Variants in TENM2 observed in about 807,000 individuals in gnomAD.
The protein encoded by TENM2 is teneurin transmembrane protein 2, also known as teneurin-2.
In TENM2, 52 loss-of-function variants were observed where a neutral mutation model predicts 245.2. That is an observed-to-expected ratio of 0.21 (90% CI 0.17 to 0.27). The LOEUF (loss-of-function observed/expected upper bound fraction) is 0.27. Among genes scored for constraint, TENM2 ranks in the 10% least tolerant of loss-of-function variants. The pLI is 1.00. For missense variants in TENM2, 3,046 were observed against 3,666.8 expected, an observed-to-expected ratio of 0.83 and a Z score of 4.37; for synonymous variants, 1,363 against 1,438.9, an observed-to-expected ratio of 0.95 and a Z score of 1.19.
At position 167,620,213 on chromosome 5, in the gene TENM2, C is replaced by T. The variant is rs151122889; in HGVS notation, c.502+244740C>T. Among the ~76,000 whole-genome samples, 599 of 152,212 alleles carry T rather than the reference C, an allele frequency of 3.9e-3. 3 individuals carry two copies. Among genetic ancestry groups the T allele is most frequent in the Non-Finnish European group, 7.2e-3 (491 of 68,002 alleles). ...ATGGTACATGCAATTAGGAAAATGTCTCCCTAATAATGGTAATCGGTGTAA... is the reference window on the plus strand; with the variant it reads ...ATGGTACATGCAATTAGGAAAATGTTTCCCTAATAATGGTAATCGGTGTAA... On this transcript the variant is annotated intron_variant, in intron 2 of 28. Transcript: ENST00000518659.
chr5:167,869,725 T>A (rs1005969781), intron 2 of TENM2, among the ~76,000 whole-genome samples: 16 of 152,120 alleles, frequency 1.1e-4, no homozygotes, highest in African/African-American at 3.9e-4. Context: ...GAAGAATATC[T>A]TGTCACACAG....
chr5:167,492,439 G>A (rs943179142), intron 2 of TENM2, among the ~76,000 whole-genome samples: 1 of 152,110 alleles, frequency 6.6e-6, no homozygotes, highest in Non-Finnish European at 1.5e-5. Context: ...GATGGGCTGA[G>A]TACAGACTTT....
chr5:167,080,535 A>C, the TENM2 span, among the ~76,000 whole-genome samples: 1 of 151,980 alleles, frequency 6.6e-6, no homozygotes, highest in Non-Finnish European at 1.5e-5. Context: ...ATTTGTGCAC[A>C]CTTACCCCAC....
chr5:167,627,218 C>G (rs1193982484), intron 2 of TENM2, among the ~76,000 whole-genome samples: 1 of 151,936 alleles, frequency 6.6e-6, no homozygotes, highest in Non-Finnish European at 1.5e-5. Context: ...GTGCAATTAC[C>G]CTAGTAAGTA....
At chr5:167,755,726 C>G (rs1762269261) in intron 2 of TENM2, among the ~76,000 whole-genome samples, 1 of 152,198 alleles carries the variant, frequency 6.6e-6, no homozygotes, top group South Asian at 2.1e-4. Flanking sequence ...GGAAATGATC[C>G]ATTCTGTTAG....
At chr5:167,119,839 C>T in the TENM2 span, among the ~76,000 whole-genome samples, 2 of 152,084 alleles carry the variant, frequency 1.3e-5, no homozygotes, top group African/African-American at 2.4e-5. Context: ...TTCTAAGAAC[C>T]GTGTCTGGTG....
chr5:167,044,193 G>A, the TENM2 span, among the ~76,000 whole-genome samples: 95,442 of 151,968 alleles, frequency 0.63, 32,045 homozygotes, highest in African/African-American at 0.88. Flanking sequence ...GCAAGTGCCC[G>A]CACTGTGACT....
chr5:167,068,278 G>C, the TENM2 span, among the ~76,000 whole-genome samples: 1 of 152,174 alleles, frequency 6.6e-6, no homozygotes, highest in Non-Finnish European at 1.5e-5. Context: ...AACAGCATTA[G>C]TGCCCAGTCA....
chr5:167,192,427 T>A, the TENM2 span, among the ~76,000 whole-genome samples: 4 of 152,122 alleles, frequency 2.6e-5, no homozygotes, highest in East Asian at 7.8e-4. Flanking sequence ...CATACACTTA[T>A]AAGAGCCAAA....
chr5:167,217,142 A>G, the TENM2 span, among the ~76,000 whole-genome samples: 1 of 152,120 alleles, frequency 6.6e-6, no homozygotes, highest in Admixed American at 6.6e-5. Flanking sequence ...AGTCTTTGTC[A>G]TGGTTTCTTA....
At chr5:167,143,553 A>G in the TENM2 span, among the ~76,000 whole-genome samples, 2 of 152,054 alleles carry the variant, frequency 1.3e-5, no homozygotes, top group Admixed American at 1.3e-4. Context: ...TTAACAGTAA[A>G]CTCTTTCTTG....
At position 167,400,073 on chromosome 5, in the gene TENM2, T is replaced by C. The variant is rs1581939841; in HGVS notation, c.502+24600T>C. 3.9e-5 allele frequency among the ~76,000 whole-genome samples: 6 copies of C among 152,266 alleles called. 1 individual carries two copies. Among genetic ancestry groups the C allele is most frequent in the Admixed American group, 3.9e-4 (6 of 15,290 alleles). On this transcript the variant is annotated intron_variant, in intron 2 of 28. Transcript: ENST00000518659. ...GAATTGCATAGCAAAGTATTTTGAC[T>C]TTACCATGGAAGCAAATGTGGGTCA...
the TENM2 span, among the ~76,000 whole-genome samples, chr5:167,004,906 A>G: frequency 3.3e-5 from 5 of 152,148 alleles, no homozygotes; most frequent in African/African-American, 9.7e-5. Context: ...GGCTAACCCT[A>G]TTATTCACCC....
intron 2 of TENM2, among the ~76,000 whole-genome samples, chr5:167,867,454 G>A (rs1772420588): frequency 6.6e-6 from 1 of 152,082 alleles, no homozygotes; most frequent in Non-Finnish European, 1.5e-5. Flanking sequence ...CCTTTAACTG[G>A]GGCCGGTCCA....
chr5:167,763,063 G>A (rs946932631), intron 2 of TENM2, among the ~76,000 whole-genome samples: 8 of 152,100 alleles, frequency 5.3e-5, no homozygotes, highest in South Asian at 2.1e-4. Context: ...TCCGGAAACC[G>A]GGACTGTGGC....
intron 3 of TENM2, among the ~76,000 whole-genome samples, chr5:167,917,250 G>A (rs1350353002): frequency 5.3e-5 from 8 of 151,958 alleles, no homozygotes; most frequent in African/African-American, 1.9e-4. Context: ...AGAGTGATTC[G>A]CAAATCCCAG....
intron 2 of TENM2, among the ~76,000 whole-genome samples, chr5:167,529,889 G>A (rs996670049): frequency 2.6e-5 from 4 of 152,266 alleles, no homozygotes; most frequent in Middle Eastern, 6.8e-3. Context: ...CTGTTGAGTG[G>A]AATAGAGAAG....
chr5:167,640,248 T>C (rs1168387780), intron 2 of TENM2, among the ~76,000 whole-genome samples: 1 of 152,212 alleles, frequency 6.6e-6, no homozygotes, highest in Non-Finnish European at 1.5e-5. Context: ...GTTTCTAATA[T>C]GGATAGTAGT....
intron 9 of TENM2, among the ~76,000 whole-genome samples, chr5:168,117,346 C>T (rs144722117): frequency 1.4e-3 from 206 of 152,232 alleles, no homozygotes; most frequent in African/African-American, 4.6e-3. Context: ...TTGAAGGAGG[C>T]ACAATGACAG....
Sources: allele counts gnomAD v4.1 joint callset (sites outside exome capture counted in the v4.1 genomes callset), GRCh38; gene constraint gnomAD v4.1.1; transcripts MANE v1.5; gene names NCBI Gene and HGNC (gene_info 2026-07-23, HGNC 2026-07-21).